CHODL: variants seen among roughly 807,000 people sequenced by gnomAD.
CHODL encodes the protein chondrolectin.
A neutral mutation model predicts 34.5 loss-of-function variants in CHODL; 29 were observed. The observed-to-expected ratio is 0.84, with a 90% CI of 0.63 to 1.15. The LOEUF is 1.15. CHODL is among the 50% of genes most tolerant of loss of function. The pLI, the probability that CHODL is intolerant of heterozygous loss-of-function variation, is 0.00. For missense variants in CHODL, 332 were observed against 332.5 expected, an observed-to-expected ratio of 1.00 and a Z score of 0.01; for synonymous variants, 125 against 116.1, an observed-to-expected ratio of 1.08 and a Z score of -0.49.
intron 2 of CHODL, among the ~76,000 whole-genome samples, chr21:18,106,344 G>C (rs933799099): frequency 6.6e-6 from 1 of 152,072 alleles, no homozygotes; most frequent in African/African-American, 2.4e-5. Context: ...TGTACTGACC[G>C]AGGCTGTGAG....
At chr21:18,050,295 T>C (rs2064497764) in intron 2 of CHODL, among the ~76,000 whole-genome samples, 1 of 151,896 alleles carries the variant, frequency 6.6e-6, no homozygotes, top group Non-Finnish European at 1.5e-5. Context: ...ATCAGGTGTT[T>C]GGATTTATAT....
At chr21:18,153,411 T>C (rs537173772) in intron 2 of CHODL, among the ~76,000 whole-genome samples, 3 of 152,284 alleles carry the variant, frequency 2.0e-5, no homozygotes, top group African/African-American at 7.2e-5. Context: ...CTTTTCTCCA[T>C]CTTCAAAACC....
chr21:18,027,690 A>G (rs1234233024), intron 1 of CHODL, among the ~76,000 whole-genome samples: 1 of 152,172 alleles, frequency 6.6e-6, no homozygotes, highest in South Asian at 2.1e-4. Context: ...TATAGACTGA[A>G]TGCTTGTATC....
At chr21:18,244,727 T>A (rs1005335161), upstream of CHODL, 1 of 153,298 alleles carries the variant, frequency 6.5e-6, no homozygotes, top group African/African-American at 2.4e-5. Context: ...GGTGCTGGGA[T>A]GCTCCACATG....
intron 2 of CHODL, among the ~76,000 whole-genome samples, chr21:18,173,234 C>T (rs1219256071): frequency 2.0e-5 from 3 of 152,108 alleles, no homozygotes; most frequent in Non-Finnish European, 4.4e-5. Flanking sequence ...TCATCTTTGT[C>T]ACTTAACACG....
chr21:17,974,919 TTA>T (rs886082324), intron 1 of CHODL, among the ~76,000 whole-genome samples: 6 of 147,946 alleles, frequency 4.1e-5, no homozygotes, highest in African/African-American at 7.4e-5. Flanking sequence ...AAAATGTACT[TTA>T]TATATATATA....
intron 1 of CHODL, chr21:17,917,464 A>C (rs2063148980): frequency 6.6e-6 from 1 of 151,850 alleles, no homozygotes; most frequent in Non-Finnish European, 1.5e-5. Flanking sequence ...TCTCTGAAAA[A>C]CCCTGAAGAA....
intron 2 of CHODL, among the ~76,000 whole-genome samples, chr21:18,225,340 G>T (rs2073921495): frequency 1.3e-5 from 2 of 152,062 alleles, no homozygotes; most frequent in South Asian, 4.1e-4. Flanking sequence ...TAACAAAAGT[G>T]TTTGGTCTTG....
chr21:18,158,740 A>G (rs1304494372), intron 2 of CHODL, among the ~76,000 whole-genome samples: 1 of 149,992 alleles, frequency 6.7e-6, no homozygotes, highest in East Asian at 2.0e-4. Flanking sequence ...CGGGAGGCTG[A>G]GGCAGGAAAA....
chr21:18,244,040 A>G (rs760780975), upstream of CHODL, among the ~76,000 whole-genome samples: 4 of 152,242 alleles, frequency 2.6e-5, no homozygotes, highest in Non-Finnish European at 5.9e-5. Context: ...ATTCCTGGAA[A>G]CTAGGTATCA....
chr21:17,950,415 G>A (rs1003477886), intron 1 of CHODL, among the ~76,000 whole-genome samples: 4 of 151,754 alleles, frequency 2.6e-5, no homozygotes, highest in African/African-American at 9.7e-5. Flanking sequence ...ATATTACAGA[G>A]ATGATGCTAC....
intron 1 of CHODL, among the ~76,000 whole-genome samples, chr21:18,008,648 G>A (rs2063982880): frequency 6.6e-6 from 1 of 151,974 alleles, no homozygotes; most frequent in South Asian, 2.1e-4. Context: ...ATATCCTCTA[G>A]GTTTATCCAT....
chr21:18,255,984 C>T (rs893857487), intron 1 of CHODL, among the ~76,000 whole-genome samples: 2 of 151,966 alleles, frequency 1.3e-5, no homozygotes, highest in Non-Finnish European at 2.9e-5. Flanking sequence ...CATTCTGTCC[C>T]CTTTTAACTT....
chr21:17,979,152 C>T (rs1275109504), intron 1 of CHODL, among the ~76,000 whole-genome samples: 1 of 152,102 alleles, frequency 6.6e-6, no homozygotes, highest in Non-Finnish European at 1.5e-5. Context: ...CCTTTTGCCA[C>T]GTAATGTAGC....
rs1020682288 is a variant in CHODL at position 17,985,472 on chromosome 21, A to G, written c.-144-42400A>G. Among the ~76,000 whole-genome samples, 9 of 152,330 alleles carry G rather than the reference A, an allele frequency of 5.9e-5. No individual in the cohort carries two copies. In the South Asian group the frequency reaches 1.9e-3, roughly 32 times the overall value. On this transcript the variant is annotated intron_variant, in intron 1 of 6. Coordinates refer to the CHODL transcript ENST00000400127. Reference sequence around the variant, plus strand: ...TAATTGGAAGTTGTCATAGAGTCACAAGGTCATGGGATAATGACATTTATA... The same window carrying G: ...TAATTGGAAGTTGTCATAGAGTCACGAGGTCATGGGATAATGACATTTATA...
chr21:18,066,937 T>G (rs942299409), intron 2 of CHODL, among the ~76,000 whole-genome samples: 1 of 152,132 alleles, frequency 6.6e-6, no homozygotes, highest in Non-Finnish European at 1.5e-5. Context: ...AAACCAGACC[T>G]GATGACACCT....
intron 1 of CHODL, among the ~76,000 whole-genome samples, chr21:18,001,397 T>A (rs940277681): frequency 1.3e-5 from 2 of 152,172 alleles, no homozygotes; most frequent in Non-Finnish European, 2.9e-5. Flanking sequence ...TTCCTGTGAG[T>A]GTGTTTAAAG....
chr21:18,198,696 C>T (rs898055617), intron 2 of CHODL, among the ~76,000 whole-genome samples: 3 of 151,950 alleles, frequency 2.0e-5, no homozygotes, highest in Non-Finnish European at 4.4e-5. Flanking sequence ...CTCTGTGACT[C>T]CAGGATGTGC....
At chr21:18,037,110 C>A (rs182326689) in intron 2 of CHODL, among the ~76,000 whole-genome samples, 36 of 151,892 alleles carry the variant, frequency 2.4e-4, no homozygotes, top group Admixed American at 1.2e-3. Context: ...CAATATCAGA[C>A]AATGGGGATG....
Sources: allele counts gnomAD v4.1 joint callset (sites outside exome capture counted in the v4.1 genomes callset), GRCh38; gene constraint gnomAD v4.1.1; transcripts MANE v1.5; gene names NCBI Gene and HGNC (gene_info 2026-07-23, HGNC 2026-07-21).